Variants in GSTO1 observed in about 807,000 individuals in gnomAD.
GSTO1 encodes glutathione S-transferase omega 1, also known as glutathione S-transferase omega-1.
A neutral mutation model predicts 23.8 loss-of-function variants in GSTO1; 27 were observed. The observed-to-expected ratio is 1.13, with a 90% CI of 0.83 to 1.56. GSTO1 has a LOEUF of 1.56. Among genes scored for constraint, GSTO1 ranks in the 40% most tolerant of loss-of-function variants. GSTO1 has a pLI of 0.00. For synonymous variants in GSTO1, 105 were observed against 109.3 expected (o/e 0.96, Z 0.25); for missense variants, 255 against 285.8 (o/e 0.89, Z 0.78).
chr10:104,254,420 A>T (rs975906117), upstream of GSTO1: 1 of 160,814 alleles, frequency 6.2e-6, no homozygotes, highest in Admixed American at 6.0e-5. Context: ...TCCCTTTGGC[A>T]TAGTGAGTTT....
chr10:104,263,277 A>G (rs1192413975), intron 4 of GSTO1, among the ~76,000 whole-genome samples, 200 bp downstream of exon 4: 1 of 152,246 alleles, frequency 6.6e-6, no homozygotes, highest in African/African-American at 2.4e-5. Context: ...CAAAACACCT[A>G]AACAGACTTT....
At position 104,267,197 on chromosome 10, in the gene GSTO1, T is replaced by A. The variant is rs58730940; in HGVS notation, c.573-55T>A. 20 of 1,183,816 alleles carry A rather than the reference T, an allele frequency of 1.7e-5. No individual in the cohort carries two copies. The African/African-American group carries it at 2.9e-4, about 17-fold the overall frequency. The allele number at this position is 1,183,816 out of a possible 1,614,324, so 73.3% of individuals were successfully genotyped here. A position where few individuals can be genotyped will look rare whatever the true frequency, so the allele number is the denominator to read the frequency against. ...TAATAATTACATATGGGAGACTCTG[T>A]GATGTCATCCTAGTTGACCTAGCTC... On this transcript the variant is annotated intron_variant, in intron 5 of 5. Coordinates refer to ENST00000369713, the MANE Select transcript of GSTO1 (RefSeq NM_004832.3).
chr10:104,261,830 A>G (rs2011141737), intron 3 of GSTO1, among the ~76,000 whole-genome samples: 1 of 152,200 alleles, frequency 6.6e-6, no homozygotes, highest in South Asian at 2.1e-4. Context: ...GCGTCTTGCA[A>G]TAAAATGATA....
At chr10:104,257,616 C>T (rs12253203) in intron 2 of GSTO1, among the ~76,000 whole-genome samples, 11,277 of 152,036 alleles carry the variant, frequency 0.074, 1,405 homozygotes, top group African/African-American at 0.26. Flanking sequence ...TCTGGGATTA[C>T]AGATGTAAGC....
intron 2 of GSTO1, 95 bp downstream of exon 2, chr10:104,255,366 C>T: frequency 1.3e-6 from 1 of 752,394 alleles, no homozygotes; most frequent in Non-Finnish European, 2.3e-6. Context: ...CTACCCCCCT[C>T]CCACCAGCGT....
intron 3 of GSTO1, 132 bp from the exon 4 acceptor site, chr10:104,262,847 G>A: frequency 3.9e-6 from 2 of 510,544 alleles, no homozygotes; most frequent in Admixed American, 3.6e-5. Context: ...GTGAGCGCAG[G>A]AACTTGATGC....
In GSTO1 at chr10:104,267,266, C is replaced by T; in HGVS notation, c.587C>T (p.Thr196Ile). 6.2e-7 allele frequency: 1 copy of T among 1,612,768 alleles called. No homozygotes were observed. The highest frequency in any genetic ancestry group is 8.5e-7 in the Non-Finnish European group (1 of 1,179,102). The change falls in exon 6 of 6, where the codon ACT becomes ATT. Residue 196 changes from threonine (T) to isoleucine (I), a missense_variant. By Grantham distance (89) the Thr-to-Ile change is moderately conservative. Transcript: ENST00000369713. ...TCTTCCCACAGGTGTGTAGACCACA[C>T]TCCAAAACTGAAACTGTGGATGGCA... ...AMKLNECVDH[T>I]PKLKLWMAAM...
intron 2 of GSTO1, among the ~76,000 whole-genome samples, chr10:104,256,911 G>A (rs1184100787): frequency 6.6e-6 from 1 of 150,712 alleles, no homozygotes; most frequent in East Asian, 1.9e-4. Flanking sequence ...GCAATGGCTG[G>A]TACTTAAGTG....
At position 104,266,883 on chromosome 10, in the gene GSTO1, G is replaced by A. The variant is rs1338084781; in HGVS notation, c.573-369G>A. On this transcript the variant is annotated intron_variant, in intron 5 of 5. Coordinates refer to ENST00000369713, the MANE Select transcript of GSTO1 (RefSeq NM_004832.3). ...TTTGGCAGCCACCTTGCCTTACTCCGGCTTCTTGGACGATAGAGCTATTCA... is the reference window on the plus strand; with the variant it reads ...TTTGGCAGCCACCTTGCCTTACTCCAGCTTCTTGGACGATAGAGCTATTCA... Among the ~76,000 whole-genome samples, 9 of 152,210 alleles carry A rather than the reference G, an allele frequency of 5.9e-5. No individual in the cohort carries two copies. The South Asian group carries it at 6.2e-4, about 11-fold the overall frequency.
chr10:104,261,489 A>T (rs1282973416), intron 3 of GSTO1, among the ~76,000 whole-genome samples: 1 of 152,158 alleles, frequency 6.6e-6, no homozygotes, highest in East Asian at 1.9e-4. Flanking sequence ...TAAGACAGTA[A>T]AGGTTAGGAC....
In GSTO1 at chr10:104,266,121, A is replaced by G. The variant is rs148403642; in HGVS notation, c.503A>G (p.Asn168Ser). 4.4e-4 allele frequency: 702 copies of G among 1,610,654 alleles called. 9 individuals carry two copies. In the African/African-American group the frequency reaches 8.5e-3, roughly 19 times the overall value. ...AAGAAGACGACCTTCTTTGGTGGCA[A>G]TTCTATCTCTATGATTGATTACCTC... is the stretch of plus-strand genomic sequence containing the variant. ...TNKKTTFFGG[N>S]SISMIDYLIW... Residue 168 changes from asparagine (N) to serine (S), a missense_variant, in exon 5 of 6, where the codon AAT (asparagine) becomes AGT (serine). Transcript: ENST00000369713.
chr10:104,258,325 A>G (rs2135054719), intron 2 of GSTO1, among the ~76,000 whole-genome samples: 1 of 152,346 alleles, frequency 6.6e-6, no homozygotes, highest in East Asian at 1.9e-4. Flanking sequence ...GCTTCATGAC[A>G]CTGGCCTTGG....
intron 3 of GSTO1, among the ~76,000 whole-genome samples, chr10:104,260,545 T>C (rs1318099830): frequency 6.6e-6 from 1 of 152,226 alleles, no homozygotes; most frequent in Admixed American, 6.5e-5. Flanking sequence ...GATGACTGAA[T>C]AAATAGCAAT....
Position 104,266,107 on chromosome 10 carries a change from C to T in GSTO1, c.489C>T (p.Thr163=), listed in dbSNP as rs762022730. ...AGGTTCTGACTAATAAGAAGACGACCTTCTTTGGTGGCAATTCTATCTCTA... is the reference window on the plus strand; with the variant it reads ...AGGTTCTGACTAATAAGAAGACGACTTTCTTTGGTGGCAATTCTATCTCTA... ...LEEVLTNKKT[T]FFGGNSISMI... Residue 163 remains threonine, a synonymous_variant, in exon 5 of 6, where the codon ACC becomes ACT. Coordinates refer to ENST00000369713, the MANE Select transcript of GSTO1 (RefSeq NM_004832.3). The T allele has an allele frequency of 3.7e-6, 6 of 1,604,884 alleles. No individual in the cohort carries two copies. The African/African-American group carries it at 5.4e-5, about 14-fold the overall frequency.
At chr10:104,260,039 C>T (rs927749494) in intron 3 of GSTO1, among the ~76,000 whole-genome samples, 2 of 152,188 alleles carry the variant, frequency 1.3e-5, no homozygotes, top group African/African-American at 4.8e-5. Flanking sequence ...TCTCAGAATT[C>T]CCAAATTCGC....
chr10:104,254,880 C>T (rs752945068), upstream of GSTO1: 2 of 1,590,366 alleles, frequency 1.3e-6, no homozygotes, highest in Non-Finnish European at 1.7e-6. Context: ...CCACCTACTT[C>T]CTGAATCCCC....
chr10:104,260,978 A>C (rs2011134551), intron 3 of GSTO1, among the ~76,000 whole-genome samples: 1 of 152,218 alleles, frequency 6.6e-6, no homozygotes, highest in African/African-American at 2.4e-5. Flanking sequence ...ATGCAGCTTC[A>C]AGACACGAAG....
chr10:104,267,370 C>A lies in GSTO1; in HGVS notation c.691C>A (p.Gln231Lys). 6.2e-7 allele frequency: 1 copy of A among 1,613,714 alleles called. No homozygotes were observed. The highest frequency in any genetic ancestry group is 1.1e-5 in the South Asian group (1 of 91,076). Residue 231 changes from glutamine to lysine, a missense_variant, in exon 6 of 6, where the codon CAG (glutamine) becomes AAG (lysine). Coordinates refer to ENST00000369713, the MANE Select transcript of GSTO1 (RefSeq NM_004832.3). Reference protein sequence around the residue: ...DWQGFLELYLQNSPEACDYGL With the variant: ...DWQGFLELYLKNSPEACDYGL ...GCAAGGTTTCCTAGAGCTCTACTTA[C>A]AGAACAGCCCTGAGGCCTGTGACTA... is the stretch of plus-strand genomic sequence containing the variant.
intron 5 of GSTO1, among the ~76,000 whole-genome samples, chr10:104,266,785 C>T (rs1177374484): frequency 1.3e-5 from 2 of 151,826 alleles, no homozygotes; most frequent in African/African-American, 4.8e-5. Context: ...GATGTTGTTG[C>T]GGGATTGTAC....
Sources: gnomAD v4.1 joint callset for allele counts (sites outside exome capture counted in the v4.1 genomes callset) on GRCh38, gnomAD v4.1.1 for gene constraint, MANE v1.5 for transcripts, NCBI Gene and HGNC (gene_info 2026-07-23, HGNC 2026-07-21) for gene names.